Variants in CDC6 observed in about 807,000 individuals in gnomAD.
CDC6 encodes DNA replication factor CDC6.
In CDC6, 46 loss-of-function variants were observed where a neutral mutation model predicts 60.2. That is an observed-to-expected ratio of 0.76 (90% CI 0.60 to 0.98). The LOEUF (loss-of-function observed/expected upper bound fraction) is 0.98. Among genes scored for constraint, CDC6 ranks in the 50% least tolerant of loss-of-function variants. CDC6 has a pLI of 0.00. For synonymous variants in CDC6, 210 were observed against 233.2 expected, an observed-to-expected ratio of 0.90 and a Z score of 0.90; for missense variants, 596 against 652.9, an observed-to-expected ratio of 0.91 and a Z score of 0.95.
intron 5 of CDC6, 67 bp downstream of exon 5, chr17:40,293,698 A>T: frequency 8.1e-7 from 1 of 1,240,990 alleles, no homozygotes; most frequent in Non-Finnish European, 1.2e-6. Flanking sequence ...TAAAAAGTAC[A>T]TTTTGTATAT....
At chr17:40,293,709 T>C in intron 5 of CDC6, 78 bp downstream of exon 5, 1 of 1,199,474 alleles carries the variant, frequency 8.3e-7, no homozygotes, top group South Asian at 1.2e-5. Flanking sequence ...TTTTGTATAT[T>C]TTCTCTCTGA....
rs1345259779 is a variant in CDC6, at chr17:40,302,796, G to GTGCA, written c.*796_*799dup. On this transcript the variant is annotated 3_prime_UTR_variant, in exon 12 of 12. Coordinates refer to ENST00000209728, the MANE Select transcript of CDC6 (RefSeq NM_001254.4). ...CTTTGTATAGTATACTATGTTCATGGTGCAGATACTACAACATTGTGGCAT... is the reference window on the plus strand; with the variant it reads ...CTTTGTATAGTATACTATGTTCATGGTGCATGCAGATACTACAACATTGTGGCAT... The GTGCA allele has an allele frequency of 1.3e-5, 2 of 152,208 alleles. No homozygotes were observed. Among genetic ancestry groups the GTGCA allele is most frequent in the Non-Finnish European group, 2.9e-5 (2 of 68,050 alleles). 9.4% of individuals were successfully genotyped at this position (152,208 alleles called of 1,614,324 possible). A position where few individuals can be genotyped will look rare whatever the true frequency, so the allele number is the denominator to read the frequency against.
chr17:40,301,997 C>A lies in CDC6; in HGVS notation c.1679C>A (p.Pro560His). The A allele has an allele frequency of 6.4e-7, 1 of 1,555,764 alleles. No individual in the cohort carries two copies. Among genetic ancestry groups the A allele is most frequent in the Non-Finnish European group, 8.9e-7 (1 of 1,126,824 alleles). ...LIGNILATGL[P>H] Reference sequence around the variant, plus strand: ...GGAAATATCTTAGCTACTGGATTGCCTTAAATTCTTCTCTTACACCCCACC... The same window carrying A: ...GGAAATATCTTAGCTACTGGATTGCATTAAATTCTTCTCTTACACCCCACC... Residue 560 changes from proline to histidine, a missense_variant, in exon 12 of 12, where the codon CCT becomes CAT. Transcript: ENST00000209728.
intron 5 of CDC6, 123 bp downstream of exon 5, chr17:40,293,754 A>G: frequency 1.1e-6 from 1 of 945,554 alleles, no homozygotes; most frequent in Non-Finnish European, 1.7e-6. Context: ...GAAAGAAGAG[A>G]AGGAAGATAC....
At chr17:40,290,211 C>T (rs1199867653) in intron 2 of CDC6, among the ~76,000 whole-genome samples, 2 of 152,050 alleles carry the variant, frequency 1.3e-5, no homozygotes, top group African/African-American at 4.8e-5. Context: ...TGAAACTTAC[C>T]TCAATATTTG....
intron 8 of CDC6, among the ~76,000 whole-genome samples, chr17:40,296,182 G>A (rs939487587): frequency 1.3e-5 from 2 of 152,150 alleles, no homozygotes; most frequent in African/African-American, 2.4e-5. Flanking sequence ...CTTGGGTAAA[G>A]ACTGCAACTA....
At chr17:40,291,380 C>A (rs780155357) in intron 3 of CDC6, 41 bp downstream of exon 3, 3 of 1,612,874 alleles carry the variant, frequency 1.9e-6, no homozygotes, top group Non-Finnish European at 2.5e-6. Context: ...GCCATTGTAA[C>A]CAAGGCTGAT....
In CDC6 at chr17:40,302,604, C is replaced by T. The variant is rs1306290543; in HGVS notation, c.*603C>T. On this transcript the variant is annotated 3_prime_UTR_variant, in exon 12 of 12. Transcript: ENST00000209728. ...TCCTGACCCTCAAGTGATCTGCCCA[C>T]CTTGGCCTCCCTAAGTGCTGGGATT... 6.5e-6 allele frequency: 1 copy of T among 152,748 alleles called. No individual in the cohort carries two copies. Among genetic ancestry groups the T allele is most frequent in the East Asian group, 1.9e-4 (1 of 5,206 alleles). The allele number at this position is 152,748 out of a possible 1,614,324, so 9.5% of individuals were successfully genotyped here.
chr17:40,297,217 G>A (rs2032871387), intron 9 of CDC6, among the ~76,000 whole-genome samples: 1 of 152,106 alleles, frequency 6.6e-6, no homozygotes, highest in Non-Finnish European at 1.5e-5. Flanking sequence ...CGGGAGGATC[G>A]CTTGAGCCCA....
At chr17:40,293,328 T>A in intron 4 of CDC6, 128 bp from the exon 5 acceptor site, 1 of 708,136 alleles carries the variant, frequency 1.4e-6, no homozygotes, top group African/African-American at 1.8e-5. Context: ...AATTTCATTG[T>A]TTAAATCTTT....
chr17:40,303,130 C>A lies in CDC6; in HGVS notation c.*1129C>A, dbSNP rs1295201488. The A allele has an allele frequency of 6.6e-6, 1 of 152,114 alleles. No individual in the cohort carries two copies. Among genetic ancestry groups the A allele is most frequent in the Non-Finnish European group, 1.5e-5 (1 of 68,018 alleles). 9.4% of individuals were successfully genotyped at this position (152,114 alleles called of 1,614,324 possible). On this transcript the variant is annotated 3_prime_UTR_variant, in exon 12 of 12. Coordinates refer to ENST00000209728, the MANE Select transcript of CDC6 (RefSeq NM_001254.4). ...GTCCATATGGTTGGTTAATCAAGAG[C>A]CTTCTGGGTTTGGTTTGGTGGCATT...
Position 40,303,814 on chromosome 17 carries a change from T to C in CDC6, c.*1813T>C, listed in dbSNP as rs553615474. 6.6e-6 allele frequency: 1 copy of C among 152,372 alleles called. No individual in the cohort carries two copies. Among genetic ancestry groups the C allele is most frequent in the African/African-American group, 2.4e-5 (1 of 41,588 alleles). The allele number at this position is 152,372 out of a possible 1,614,324, so 9.4% of individuals were successfully genotyped here. On this transcript the variant is annotated 3_prime_UTR_variant, in exon 12 of 12. Coordinates refer to ENST00000209728, the MANE Select transcript of CDC6 (RefSeq NM_001254.4). ...GAACAGATGCGAAGCTTGATTTAAA[T>C]TACATTTTATTGGATGCTGCAGCCT...
At chr17:40,300,191 T>C (rs2032917712) in intron 9 of CDC6, among the ~76,000 whole-genome samples, 1 of 152,206 alleles carries the variant, frequency 6.6e-6, no homozygotes, top group Admixed American at 6.5e-5. Flanking sequence ...CTCCAACTCC[T>C]GACCTCAGGT....
intron 1 of CDC6, among the ~76,000 whole-genome samples, chr17:40,288,599 T>TTA (rs2032698280): frequency 1.3e-5 from 2 of 150,772 alleles, no homozygotes; most frequent in South Asian, 4.2e-4. Context: ...TTTTTTTTTT[T>TTA]TTTGAGACGG....
chr17:40,300,846 C>T lies in CDC6; in HGVS notation c.1268C>T (p.Pro423Leu). 6.2e-7 allele frequency: 1 copy of T among 1,613,864 alleles called. No individual in the cohort carries two copies. The highest frequency in any genetic ancestry group is 2.2e-5 in the East Asian group (1 of 44,886). Reference sequence around the variant, plus strand: ...TTTATAGGTAAATCACCTTCTGAGCCTCTGATTCCCAAGAGGGTTGGTCTT... The same window carrying T: ...TTTATAGGTAAATCACCTTCTGAGCTTCTGATTCCCAAGAGGGTTGGTCTT... ...PLSECKSPSEPLIPKRVGLIH... is the reference protein window; with the variant it reads ...PLSECKSPSELLIPKRVGLIH... Residue 423 changes from proline (P) to leucine (L), a missense_variant, in exon 10 of 12, where the codon CCT (proline) becomes CTT (leucine). Physicochemically the swap from Pro to Leu is moderately conservative, Grantham distance 98. Transcript: ENST00000209728.
chr17:40,300,729 A>C, intron 9 of CDC6, 99 bp from the exon 10 acceptor site: 1 of 958,770 alleles, frequency 1.0e-6, no homozygotes, highest in Non-Finnish European at 1.7e-6. Context: ...ACTATACTTG[A>C]ATTTCCTTTA....
At chr17:40,289,700 CTTCTTT>C in intron 2 of CDC6, 102 bp downstream of exon 2, 1 of 490,898 alleles carries the variant, frequency 2.0e-6, no homozygotes. Flanking sequence ...TCAGTTAAGA[CTTCTTT>C]TTTTTTTTTT....
Position 40,289,451 on chromosome 17 carries a change from A to G in CDC6, c.31A>G (p.Thr11Ala), listed in dbSNP as rs756261747. 2 of 1,614,024 alleles carry G rather than the reference A, an allele frequency of 1.2e-6. No homozygotes were observed. The highest frequency in any genetic ancestry group is 1.7e-6 in the Non-Finnish European group (2 of 1,179,978). Reference sequence around the variant, plus strand: ...TCAAACCCGATCCCAGGCACAGGCTACAATCAGTTTTCCAAAAAGGAAGCT... The same window carrying G: ...TCAAACCCGATCCCAGGCACAGGCTGCAATCAGTTTTCCAAAAAGGAAGCT... MPQTRSQAQA[T>A]ISFPKRKLSR... is the part of the protein sequence containing the mutation. Residue 11 changes from threonine (T) to alanine (A), a missense_variant, in exon 2 of 12, where the codon ACA becomes GCA. Coordinates refer to ENST00000209728, the MANE Select transcript of CDC6 (RefSeq NM_001254.4).
chr17:40,294,662 T>C (rs964758324), intron 7 of CDC6, among the ~76,000 whole-genome samples, 159 bp downstream of exon 7: 9 of 152,118 alleles, frequency 5.9e-5, no homozygotes, highest in Admixed American at 5.9e-4. Flanking sequence ...GAATTTCAGC[T>C]TCATTCATTT....
Sources: gnomAD v4.1 joint callset for allele counts (sites outside exome capture counted in the v4.1 genomes callset) on GRCh38, gnomAD v4.1.1 for gene constraint, MANE v1.5 for transcripts, NCBI Gene and HGNC (gene_info 2026-07-23, HGNC 2026-07-21) for gene names.